INTS4: variants seen among roughly 807,000 people sequenced by gnomAD.
INTS4 encodes the protein MSTP093.
A neutral mutation model predicts 119.5 loss-of-function variants in INTS4; 70 were observed. The ratio of observed to expected loss-of-function variants is 0.59; its 90% confidence interval spans 0.48 to 0.71. The LOEUF (loss-of-function observed/expected upper bound fraction) is 0.71, where lower values mean the gene tolerates loss of function less well. INTS4 is among the 30% of genes least tolerant of loss of function. INTS4 has a pLI of 0.00. For missense variants in INTS4, 867 were observed against 1,173.2 expected, an observed-to-expected ratio of 0.74 and a Z score of 3.81; for synonymous variants, 316 against 419.6, an observed-to-expected ratio of 0.75 and a Z score of 3.02.
intron 15 of INTS4, among the ~76,000 whole-genome samples, chr11:77,911,927 C>T (rs1483296329): frequency 2.6e-5 from 4 of 152,206 alleles, no homozygotes; most frequent in Admixed American, 6.5e-5. Flanking sequence ...CAAAACAGGA[C>T]ATGAACTAGA....
intron 20 of INTS4, 29 bp from the exon 21 acceptor site, chr11:77,891,491 T>C (rs1186767627): frequency 6.2e-7 from 1 of 1,612,360 alleles, no homozygotes. Flanking sequence ...TCCTATGATT[T>C]TAAAGCCAGG....
intron 2 of INTS4, among the ~76,000 whole-genome samples, chr11:77,990,395 AGTT>A (rs926055550): frequency 6.6e-6 from 1 of 151,708 alleles, no homozygotes; most frequent in African/African-American, 2.4e-5. Flanking sequence ...TCTCAAAAAC[AGTT>A]TTTTTGGCCA....
chr11:77,992,295 G>C (rs1331831889), intron 1 of INTS4, among the ~76,000 whole-genome samples: 1 of 151,982 alleles, frequency 6.6e-6, no homozygotes, highest in Non-Finnish European at 1.5e-5. Context: ...CTATGCAGGA[G>C]GCTGAGGATT....
At chr11:77,938,555 G>T in intron 10 of INTS4, 96 bp downstream of exon 10, 3 of 1,493,808 alleles carry the variant, frequency 2.0e-6, no homozygotes, top group Non-Finnish European at 2.7e-6. Context: ...TTACTGTGAG[G>T]ACTAAATGAA....
At chr11:77,891,266 A>C in intron 21 of INTS4, 53 bp downstream of exon 21, 1 of 1,564,184 alleles carries the variant, frequency 6.4e-7, no homozygotes, top group Non-Finnish European at 8.7e-7. Context: ...AACATTAAAT[A>C]CTTCAACACA....
At position 77,932,667 on chromosome 11, in the gene INTS4, T is replaced by C. The variant is rs549964872; in HGVS notation, c.1166-4120A>G. 3.3e-5 allele frequency among the ~76,000 whole-genome samples: 5 copies of C among 152,244 alleles called. No individual in the cohort carries two copies. The South Asian group carries it at 8.3e-4, about 25-fold the overall frequency. ...AAGAACACATGCACACATATGTTTA[T>C]TGCAGCACTATTCACAAGTAAAGAC... is the stretch of plus-strand genomic sequence containing the variant. On this transcript the variant is annotated intron_variant, in intron 10 of 22. Coordinates refer to ENST00000534064, the MANE Select transcript of INTS4 (RefSeq NM_033547.4).
chr11:77,986,620 A>C (rs941208761), intron 2 of INTS4, among the ~76,000 whole-genome samples: 1 of 152,232 alleles, frequency 6.6e-6, no homozygotes, highest in Non-Finnish European at 1.5e-5. Flanking sequence ...GGATTAAGAA[A>C]ATGTGGCACA....
intron 12 of INTS4, among the ~76,000 whole-genome samples, chr11:77,924,017 A>T (rs1228292107): frequency 6.7e-6 from 1 of 148,172 alleles, no homozygotes; most frequent in Non-Finnish European, 1.5e-5. Context: ...CACCCGCCCC[A>T]GCCTCCCAAA....
At chr11:77,962,965 A>G (rs1231564157) in intron 4 of INTS4, among the ~76,000 whole-genome samples, 1 of 152,126 alleles carries the variant, frequency 6.6e-6, no homozygotes, top group Non-Finnish European at 1.5e-5. Flanking sequence ...CAGTGAGCCA[A>G]GATCACGCCA....
chr11:77,958,163 G>C (rs566608053), intron 7 of INTS4, among the ~76,000 whole-genome samples: 20 of 150,570 alleles, frequency 1.3e-4, no homozygotes, highest in African/African-American at 4.9e-4. Flanking sequence ...TTAATGAACA[G>C]GAAAAAACAC....
intron 16 of INTS4, among the ~76,000 whole-genome samples, chr11:77,904,539 C>A (rs1335704238): frequency 6.6e-6 from 1 of 152,206 alleles, no homozygotes; most frequent in Non-Finnish European, 1.5e-5. Flanking sequence ...CACTTAATAA[C>A]ACATCTCAGT....
intron 16 of INTS4, among the ~76,000 whole-genome samples, chr11:77,904,113 T>C (rs1952866430): frequency 1.3e-5 from 2 of 152,206 alleles, no homozygotes. Flanking sequence ...TCTTTCAATC[T>C]TTCTACATTC....
chr11:77,963,568 T>C, intron 4 of INTS4: 1 of 347,988 alleles, frequency 2.9e-6, no homozygotes, highest in Non-Finnish European at 5.5e-6. Context: ...AAAATAAAAA[T>C]TAATTTACAA....
At chr11:77,916,454 C>T (rs1953206632) in intron 15 of INTS4, among the ~76,000 whole-genome samples, 1 of 152,152 alleles carries the variant, frequency 6.6e-6, no homozygotes, top group African/African-American at 2.4e-5. Flanking sequence ...TGGTAAATAT[C>T]TGTATATCTA....
intron 13 of INTS4, 75 bp from the exon 14 acceptor site, chr11:77,921,548 T>G: frequency 1.2e-6 from 1 of 822,140 alleles, no homozygotes; most frequent in Non-Finnish European, 2.1e-6. Flanking sequence ...ACTTTCCACC[T>G]CCAAAATCTC....
chr11:77,916,015 T>C (rs1953197483), intron 15 of INTS4, among the ~76,000 whole-genome samples: 1 of 152,178 alleles, frequency 6.6e-6, no homozygotes, highest in South Asian at 2.1e-4. Flanking sequence ...GGCCCACTCA[T>C]TGTGTGGCTC....
intron 8 of INTS4, among the ~76,000 whole-genome samples, chr11:77,951,135 T>C (rs996057421): frequency 4.6e-5 from 7 of 152,184 alleles, no homozygotes; most frequent in Non-Finnish European, 8.8e-5. Context: ...GTTGGACATC[T>C]GGCTTGGTTC....
chr11:77,988,173 G>C (rs772492726), intron 2 of INTS4, among the ~76,000 whole-genome samples: 1 of 152,186 alleles, frequency 6.6e-6, no homozygotes, highest in Non-Finnish European at 1.5e-5. Flanking sequence ...CAGGCACTGG[G>C]ATAGAGACTA....
chr11:77,990,230 A>AT (rs1398119191), intron 2 of INTS4, among the ~76,000 whole-genome samples: 2 of 151,728 alleles, frequency 1.3e-5, no homozygotes, highest in African/African-American at 4.8e-5. Flanking sequence ...AAAAAAAAAA[A>AT]AAAAATGCAA....
Sources: gnomAD v4.1 joint callset for allele counts (sites outside exome capture counted in the v4.1 genomes callset) on GRCh38, gnomAD v4.1.1 for gene constraint, MANE v1.5 for transcripts, NCBI Gene and HGNC (gene_info 2026-07-23, HGNC 2026-07-21) for gene names.